Variants in CSMD1 observed in about 807,000 individuals in gnomAD.
CSMD1 encodes CUB and Sushi multiple domains 1.
In CSMD1, 213 loss-of-function variants were observed where a neutral mutation model predicts 417.5. The ratio of observed to expected loss-of-function variants is 0.51; its 90% CI spans 0.46 to 0.57. The LOEUF (loss-of-function observed/expected upper bound fraction) is 0.57. Among genes scored for constraint, CSMD1 ranks in the 20% least tolerant of loss-of-function variants. The pLI is 0.00. For missense variants in CSMD1, 6,923 were observed against 4,529.7 expected (o/e 1.53, Z -15.17); for synonymous variants, 2,862 against 1,736.8 (o/e 1.65, Z -16.11).
intron 26 of CSMD1, 57 bp downstream of exon 26, chr8:3,284,087 G>A: frequency 4.6e-6 from 6 of 1,299,804 alleles, no homozygotes; most frequent in South Asian, 3.8e-5. Context: ...AGGGAGATCT[G>A]TGTTCATGAC....
intron 50 of CSMD1, among the ~76,000 whole-genome samples, chr8:3,038,859 A>T (rs1348500261): frequency 6.6e-6 from 1 of 152,204 alleles, no homozygotes; most frequent in Non-Finnish European, 1.5e-5. Context: ...AGTTAGTGCC[A>T]TGAGAACCCA....
In CSMD1 at chr8:4,793,851, A is replaced by C. The variant is rs1408136411; in HGVS notation, c.86-156293T>G. ...CCAGAATAGGAAAAAAAAAAAAAAA[A>C]AACTCCTCTGATTAAAAGTTTGTTA... On this transcript the variant is annotated intron_variant, in intron 1 of 69. Coordinates refer to ENST00000635120, the MANE Select transcript of CSMD1 (RefSeq NM_033225.6). 2.6e-5 allele frequency among the ~76,000 whole-genome samples: 4 copies of C among 151,412 alleles called. No individual in the cohort carries two copies. The East Asian group carries it at 7.8e-4, about 29-fold the overall frequency.
intron 1 of CSMD1, among the ~76,000 whole-genome samples, chr8:4,777,809 G>T (rs924899160): frequency 2.0e-5 from 3 of 152,146 alleles, no homozygotes; most frequent in Non-Finnish European, 2.9e-5. Flanking sequence ...GGAAGCATGT[G>T]GTGTTTCAGA....
chr8:4,606,430 G>A (rs1425447385), intron 2 of CSMD1, among the ~76,000 whole-genome samples: 1 of 152,098 alleles, frequency 6.6e-6, no homozygotes, highest in Non-Finnish European at 1.5e-5. Flanking sequence ...GGCTCACAGT[G>A]CTGCTAGTGG....
intron 3 of CSMD1, among the ~76,000 whole-genome samples, chr8:4,323,197 T>C (rs191333809): frequency 2.0e-5 from 3 of 152,268 alleles, no homozygotes; most frequent in Admixed American, 2.0e-4. Context: ...AGTTCTAAAC[T>C]CCTATGCAGA....
At chr8:3,062,875 T>C (rs1034835032) in intron 49 of CSMD1, among the ~76,000 whole-genome samples, 2 of 152,192 alleles carry the variant, frequency 1.3e-5, no homozygotes, top group African/African-American at 2.4e-5. Context: ...ACCCATCTAC[T>C]TTTAGAGTGT....
At chr8:3,654,030 G>A (rs1282517396) in intron 7 of CSMD1, among the ~76,000 whole-genome samples, 2 of 152,092 alleles carry the variant, frequency 1.3e-5, no homozygotes, top group East Asian at 1.9e-4. Context: ...ACTGCTTGGA[G>A]GGGCCAACTG....
chr8:4,943,186 G>A (rs1176248404), intron 1 of CSMD1, among the ~76,000 whole-genome samples: 1 of 152,122 alleles, frequency 6.6e-6, no homozygotes, highest in Non-Finnish European at 1.5e-5. Flanking sequence ...CGTTTTCAAA[G>A]CACATTTGCA....
intron 3 of CSMD1, among the ~76,000 whole-genome samples, chr8:4,389,688 C>A (rs531649762): frequency 6.6e-6 from 1 of 152,070 alleles, no homozygotes; most frequent in Non-Finnish European, 1.5e-5. Flanking sequence ...TTGGGGTAAA[C>A]ACATTCTAAG....
intron 5 of CSMD1, among the ~76,000 whole-genome samples, chr8:3,967,478 A>C (rs1205314149): frequency 6.6e-6 from 1 of 151,210 alleles, no homozygotes; most frequent in Non-Finnish European, 1.5e-5. Flanking sequence ...AAACAGATGG[A>C]AAGTTGTTGA....
At chr8:4,708,896 G>A (rs948328037) in intron 1 of CSMD1, among the ~76,000 whole-genome samples, 1 of 152,152 alleles carries the variant, frequency 6.6e-6, no homozygotes, top group Non-Finnish European at 1.5e-5. Flanking sequence ...CACAGAGAGT[G>A]ACAATGTGAG....
At chr8:3,669,948 C>T (rs974114366) in intron 7 of CSMD1, among the ~76,000 whole-genome samples, 1 of 152,166 alleles carries the variant, frequency 6.6e-6, no homozygotes, top group Admixed American at 6.5e-5. Context: ...ATAACACACC[C>T]AAGGATATAA....
chr8:4,054,360 G>A (rs1001205704), intron 3 of CSMD1, among the ~76,000 whole-genome samples: 1 of 152,108 alleles, frequency 6.6e-6, no homozygotes, highest in Non-Finnish European at 1.5e-5. Context: ...TATCTCTGTT[G>A]CCTTCATCCC....
At chr8:4,353,741 G>T (rs1035748837) in intron 3 of CSMD1, among the ~76,000 whole-genome samples, 9 of 141,226 alleles carry the variant, frequency 6.4e-5, no homozygotes, top group African/African-American at 2.4e-4. Context: ...TGGGGTTCAT[G>T]GAGATTTCTT....
chr8:3,533,377 G>C (rs991864721), intron 10 of CSMD1, among the ~76,000 whole-genome samples: 3 of 152,040 alleles, frequency 2.0e-5, no homozygotes, highest in Non-Finnish European at 2.9e-5. Flanking sequence ...TATACTCCTT[G>C]AACAGTGACT....
At chr8:3,683,956 CT>C (rs1799801603) in intron 7 of CSMD1, among the ~76,000 whole-genome samples, 1 of 151,652 alleles carries the variant, frequency 6.6e-6, no homozygotes. Flanking sequence ...CAATGCACAC[CT>C]TTTGCTTCAT....
At chr8:4,804,237 C>G (rs11136780) in intron 1 of CSMD1, among the ~76,000 whole-genome samples, 1 of 151,826 alleles carries the variant, frequency 6.6e-6, no homozygotes, top group Admixed American at 6.6e-5. Context: ...TAAAATACAC[C>G]TTCTAAAGCT....
intron 3 of CSMD1, among the ~76,000 whole-genome samples, chr8:4,328,247 T>C (rs970169455): frequency 1.5e-5 from 1 of 65,088 alleles, no homozygotes; most frequent in Admixed American, 1.1e-4. Context: ...ATACAATTTT[T>C]TTTTTTTTTT....
intron 1 of CSMD1, among the ~76,000 whole-genome samples, chr8:4,653,459 G>C (rs1347480464): frequency 6.6e-6 from 1 of 151,990 alleles, no homozygotes; most frequent in African/African-American, 2.4e-5. Context: ...TTCCTTTCCA[G>C]GCTAAAATTT....
Sources: gnomAD v4.1 joint callset for allele counts (sites outside exome capture counted in the v4.1 genomes callset) on GRCh38, gnomAD v4.1.1 for gene constraint, MANE v1.5 for transcripts, NCBI Gene and HGNC (gene_info 2026-07-23, HGNC 2026-07-21) for gene names.